KAT7: variants seen among roughly 807,000 people sequenced by gnomAD.
KAT7 encodes the protein lysine acetyltransferase 7, also known as histone acetyltransferase KAT7.
A neutral mutation model predicts 82.1 loss-of-function variants in KAT7; 10 were observed. The ratio of observed to expected loss-of-function variants is 0.12; its 90% CI spans 0.08 to 0.21. The LOEUF (loss-of-function observed/expected upper bound fraction) is 0.21, where lower values mean the gene tolerates loss of function less well. KAT7 is among the 10% of genes least tolerant of loss of function. KAT7 has a pLI of 1.00. For missense variants in KAT7, 378 were observed against 760.9 expected, an observed-to-expected ratio of 0.50 and a Z score of 5.92; for synonymous variants, 250 against 262.5, an observed-to-expected ratio of 0.95 and a Z score of 0.46.
chr17:49,819,177 C>T (rs185538880), intron 9 of KAT7, among the ~76,000 whole-genome samples: 75 of 152,194 alleles, frequency 4.9e-4, no homozygotes, highest in Admixed American at 1.3e-3. Context: ...TGTCATTATA[C>T]TCTTCTCCCC....
intron 2 of KAT7, among the ~76,000 whole-genome samples, chr17:49,796,289 T>A (rs2073955156): frequency 6.6e-6 from 1 of 152,210 alleles, no homozygotes; most frequent in South Asian, 2.1e-4. Context: ...TTATGGTGGG[T>A]TAGAAAAAGG....
At chr17:49,817,090 G>A (rs955647229) in intron 8 of KAT7, among the ~76,000 whole-genome samples, 4 of 152,046 alleles carry the variant, frequency 2.6e-5, no homozygotes, top group African/African-American at 9.7e-5. Context: ...TATATTTCAC[G>A]GAGATTCATA....
chr17:49,815,034 G>A (rs1436211014), intron 7 of KAT7: 1 of 152,176 alleles, frequency 6.6e-6, no homozygotes, highest in Non-Finnish European at 1.5e-5. Flanking sequence ...TTCCTTTGTA[G>A]AATCTCTTTC....
At chr17:49,800,324 AC>A (rs1275585193) in intron 4 of KAT7, among the ~76,000 whole-genome samples, 5 of 152,100 alleles carry the variant, frequency 3.3e-5, no homozygotes, top group African/African-American at 9.7e-5. Context: ...TCCTGGTCTT[AC>A]AGCAGTTTCT....
chr17:49,804,981 A>G (rs2074073599), intron 4 of KAT7, among the ~76,000 whole-genome samples: 1 of 152,208 alleles, frequency 6.6e-6, no homozygotes, highest in Non-Finnish European at 1.5e-5. Flanking sequence ...AGAAAAGTAC[A>G]CTTATTCTAC....
intron 1 of KAT7, chr17:49,789,510 A>C (rs1293874981): frequency 5.3e-5 from 8 of 152,164 alleles, no homozygotes; most frequent in African/African-American, 1.9e-4. Context: ...GTAAAAACTA[A>C]AAACTTCTAG....
intron 6 of KAT7, among the ~76,000 whole-genome samples, chr17:49,810,279 A>T (rs1039982339): frequency 2.0e-5 from 3 of 152,198 alleles, no homozygotes; most frequent in African/African-American, 7.2e-5. Flanking sequence ...TTTTTTAGAC[A>T]GAGTTTCACT....
At chr17:49,822,877 T>C (rs2074323425) in intron 11 of KAT7, among the ~76,000 whole-genome samples, 1 of 152,180 alleles carries the variant, frequency 6.6e-6, no homozygotes, top group Non-Finnish European at 1.5e-5. Flanking sequence ...AGTAGGCAGC[T>C]CCTTTTCAAA....
rs1298673605 is a variant in KAT7, at chr17:49,827,709, G to C, written c.*207G>C. On this transcript the variant is annotated 3_prime_UTR_variant, in exon 15 of 15. Coordinates refer to ENST00000259021, the MANE Select transcript of KAT7 (RefSeq NM_007067.5). ...CTGTTGTTTCGGCCTCAGTGAGGTT[G>C]CCTGGATGGGATCTGTATTAGACTT... 1 of 587,204 alleles carries C rather than the reference G, an allele frequency of 1.7e-6. No individual in the cohort carries two copies. The highest frequency in any genetic ancestry group is 2.1e-5 in the South Asian group (1 of 47,478). 36.4% of individuals were successfully genotyped at this position (587,204 alleles called of 1,614,324 possible).
In KAT7 at chr17:49,798,487, C is replaced by T; in HGVS notation, c.509C>T (p.Pro170Leu). 2 of 1,614,098 alleles carry T rather than the reference C, an allele frequency of 1.2e-6. No individual in the cohort carries two copies. The highest frequency in any genetic ancestry group is 1.3e-5 in the African/African-American group (1 of 75,042). ...KDSGSDLSHR[P>L]KRRRFHESYN... ...TCAGGCAGTGATCTCTCTCATCGCC[C>T]CAAGCGCCGTCGCTTCCATGAAAGC... is the stretch of plus-strand genomic sequence containing the variant. The change falls in exon 4 of 15, where the codon CCC becomes CTC. Residue 170 changes from proline to leucine, a missense_variant. By Grantham distance (98) the Pro-to-Leu change is moderately conservative. Around this residue, in one of 6 missense-constraint regions of KAT7, gnomAD observed 161 missense variants for 229.6 expected, o/e 0.70. Transcript: ENST00000259021.
intron 3 of KAT7, among the ~76,000 whole-genome samples, chr17:49,798,046 AG>A (rs1375215821): frequency 6.6e-6 from 1 of 152,214 alleles, no homozygotes; most frequent in Non-Finnish European, 1.5e-5. Context: ...ATTTCCATCT[AG>A]TTTTGATTAT....
chr17:49,797,054 C>T, intron 3 of KAT7, 128 bp downstream of exon 3: 1 of 717,606 alleles, frequency 1.4e-6, no homozygotes. Context: ...TTGCTTGCTT[C>T]CTTTCTTATG....
intron 7 of KAT7, among the ~76,000 whole-genome samples, chr17:49,812,232 A>AT (rs1405804773): frequency 5.9e-4 from 79 of 133,022 alleles, no homozygotes; most frequent in Non-Finnish European, 1.1e-3. Flanking sequence ...TCGCTTAAAA[A>AT]TCTTTTTTTT....
chr17:49,810,476 T>C (rs2074148901), intron 6 of KAT7, among the ~76,000 whole-genome samples: 2 of 152,090 alleles, frequency 1.3e-5, no homozygotes, highest in Non-Finnish European at 2.9e-5. Context: ...AGGCTGGTCT[T>C]AAACTCCTGA....
At chr17:49,803,846 G>T (rs1221961013) in intron 4 of KAT7, among the ~76,000 whole-genome samples, 1 of 149,476 alleles carries the variant, frequency 6.7e-6, no homozygotes, top group Non-Finnish European at 1.5e-5. Flanking sequence ...ATTATGTTGT[G>T]TAAGCTTTAA....
intron 4 of KAT7, among the ~76,000 whole-genome samples, chr17:49,800,271 A>G (rs1428743575): frequency 6.6e-6 from 1 of 152,068 alleles, no homozygotes; most frequent in Non-Finnish European, 1.5e-5. Flanking sequence ...TTGGCCTCCC[A>G]AAGTGCTGGG....
Position 49,796,745 on chromosome 17 carries a change from A to T in KAT7, c.164-5A>T. On this transcript the variant is annotated splice_polypyrimidine_tract_variant and splice_region_variant and intron_variant, in intron 2 of 14. Transcript: ENST00000259021. ...TTCTTTATTTTCTTTTAAAATTGGG[A>T]TCAGATTCCAGTCCTGTTCGAAATC... The T allele has an allele frequency of 1.3e-6, 2 of 1,542,034 alleles. No individual in the cohort carries two copies. The highest frequency in any genetic ancestry group is 4.6e-5 in the East Asian group (2 of 43,608).
chr17:49,788,925 T>C, intron 1 of KAT7, 76 bp downstream of exon 1: 5 of 1,376,466 alleles, frequency 3.6e-6, no homozygotes, highest in Non-Finnish European at 4.9e-6. Context: ...TGGCCACGCC[T>C]CACAGTGCTT....
chr17:49,821,117 C>T (rs909516007), intron 9 of KAT7, among the ~76,000 whole-genome samples: 15 of 152,164 alleles, frequency 9.9e-5, no homozygotes, highest in Non-Finnish European at 2.2e-4. Flanking sequence ...ATCCAGAATA[C>T]TTGTTCCAGA....
Sources: gnomAD v4.1 joint callset for allele counts (sites outside exome capture counted in the v4.1 genomes callset) on GRCh38, gnomAD v4.1.1 for gene constraint, gnomAD v4.1.1 regional missense constraint, MANE v1.5 for transcripts, NCBI Gene and HGNC (gene_info 2026-07-23, HGNC 2026-07-21) for gene names.